TMEM217B: variants seen among roughly 807,000 people sequenced by gnomAD.
The protein encoded by TMEM217B is putative transmembrane protein 217B.
chr6:37,239,538 T>C, the TMEM217B span, among the ~76,000 whole-genome samples: 1 of 151,978 alleles, frequency 6.6e-6, no homozygotes, highest in South Asian at 2.1e-4. Flanking sequence ...TGAGAAAGCA[T>C]TGAAGCATAG....
At chr6:37,249,777 T>C in the TMEM217B span, among the ~76,000 whole-genome samples, 2 of 152,256 alleles carry the variant, frequency 1.3e-5, no homozygotes, top group Non-Finnish European at 2.9e-5. Flanking sequence ...GAAACAAAAA[T>C]GGAACTCTCA....
chr6:37,212,518 G>A, the TMEM217B span: 2 of 457,506 alleles, frequency 4.4e-6, no homozygotes, highest in African/African-American at 4.0e-5. Flanking sequence ...CACAGTCTGG[G>A]ATTCCTTGTA....
the TMEM217B span, among the ~76,000 whole-genome samples, chr6:37,213,835 C>G: frequency 2.6e-5 from 4 of 152,228 alleles, no homozygotes; most frequent in African/African-American, 9.6e-5. Context: ...TCAGAGGACT[C>G]CTGAGCAAAC....
chr6:37,223,788 G>A, the TMEM217B span, among the ~76,000 whole-genome samples: 45 of 152,148 alleles, frequency 3.0e-4, no homozygotes, highest in East Asian at 4.8e-3. Context: ...GATTACAGGC[G>A]TGAGCCACTG....
chr6:37,257,602 C>T, the TMEM217B span: 1 of 404,530 alleles, frequency 2.5e-6, no homozygotes, highest in Non-Finnish European at 4.5e-6. Context: ...GAACTTTGAG[C>T]CCCGCCTCTC....
chr6:37,213,339 G>A, the TMEM217B span, among the ~76,000 whole-genome samples: 4 of 152,206 alleles, frequency 2.6e-5, no homozygotes, highest in Admixed American at 6.5e-5. Context: ...GGATAACGAT[G>A]GTATGAACGA....
chr6:37,228,953 T>C, the TMEM217B span, among the ~76,000 whole-genome samples: 2 of 150,582 alleles, frequency 1.3e-5, no homozygotes, highest in African/African-American at 4.9e-5. Context: ...GCCGAGATTG[T>C]GCCACTGCAC....
chr6:37,217,366 T>C, the TMEM217B span, among the ~76,000 whole-genome samples: 3 of 152,260 alleles, frequency 2.0e-5, no homozygotes, highest in African/African-American at 7.2e-5. Context: ...TGTGATAGTA[T>C]GTAATCATAT....
chr6:37,249,120 C>T, the TMEM217B span, among the ~76,000 whole-genome samples: 1 of 152,192 alleles, frequency 6.6e-6, no homozygotes, highest in African/African-American at 2.4e-5. Context: ...ATCTCAAAAT[C>T]TTTAACTTAA....
At chr6:37,236,461 C>T in the TMEM217B span, among the ~76,000 whole-genome samples, 1 of 151,960 alleles carries the variant, frequency 6.6e-6, no homozygotes, top group African/African-American at 2.4e-5. Context: ...GGAGAGTAAG[C>T]TAATTAGTTG....
At chr6:37,226,333 C>T in the TMEM217B span, among the ~76,000 whole-genome samples, 1 of 131,428 alleles carries the variant, frequency 7.6e-6, no homozygotes, top group Non-Finnish European at 1.5e-5. Flanking sequence ...CGCTCTTTCG[C>T]CCAGGCTGGA....
the TMEM217B span, among the ~76,000 whole-genome samples, chr6:37,234,122 G>C: frequency 7.4e-6 from 1 of 135,854 alleles, no homozygotes; most frequent in African/African-American, 2.8e-5. Flanking sequence ...TTTTTTTTGA[G>C]ATAGTCTTGC....
At chr6:37,216,400 CT>C in the TMEM217B span, among the ~76,000 whole-genome samples, 1 of 152,132 alleles carries the variant, frequency 6.6e-6, no homozygotes, top group Non-Finnish European at 1.5e-5. Flanking sequence ...TTAGAAAAAT[CT>C]TTCTTGCTGC....
At chr6:37,255,971 A>T in the TMEM217B span, among the ~76,000 whole-genome samples, 1 of 152,256 alleles carries the variant, frequency 6.6e-6, no homozygotes, top group Non-Finnish European at 1.5e-5. Flanking sequence ...GAGCACTGTT[A>T]ACTACACCCC....
At chr6:37,250,014 CA>C in the TMEM217B span, among the ~76,000 whole-genome samples, 1 of 152,158 alleles carries the variant, frequency 6.6e-6, no homozygotes, top group Non-Finnish European at 1.5e-5. Context: ...AAATGTCCAT[CA>C]GTAGTAGCAT....
chr6:37,236,123 T>C, the TMEM217B span, among the ~76,000 whole-genome samples: 3 of 152,180 alleles, frequency 2.0e-5, no homozygotes, highest in South Asian at 4.1e-4. Flanking sequence ...CTGAAAAAAG[T>C]GTGTAGTGTT....
chr6:37,245,804 C>CTT, the TMEM217B span, among the ~76,000 whole-genome samples: 2 of 143,650 alleles, frequency 1.4e-5, no homozygotes, highest in African/African-American at 5.4e-5. Flanking sequence ...TTCTTTCTTT[C>CTT]TTTTTTTTTT....
the TMEM217B span, among the ~76,000 whole-genome samples, chr6:37,225,022 A>AAC: frequency 1.3e-5 from 2 of 148,678 alleles, no homozygotes; most frequent in African/African-American, 2.5e-5. Context: ...AAAAAAAAAA[A>AAC]AAAACACCAC....
the TMEM217B span, among the ~76,000 whole-genome samples, chr6:37,214,900 A>T: frequency 1.3e-5 from 2 of 151,830 alleles, no homozygotes; most frequent in African/African-American, 4.8e-5. Flanking sequence ...CACCAACGAA[A>T]CCTCACCTCT....
Sources: gnomAD v4.1 joint callset for allele counts (sites outside exome capture counted in the v4.1 genomes callset) on GRCh38, gnomAD v4.1.1 for gene constraint, MANE v1.5 for transcripts, NCBI Gene and HGNC (gene_info 2026-07-23, HGNC 2026-07-21) for gene names.